RNF130: variants seen among roughly 807,000 people sequenced by gnomAD.
RNF130 encodes E3 ubiquitin-protein ligase RNF130.
Under a neutral mutation model 44.6 loss-of-function variants are expected in RNF130, and 21 were observed. The observed-to-expected ratio is 0.47, with a 90% CI of 0.33 to 0.68. The LOEUF (loss-of-function observed/expected upper bound fraction) is 0.68, where lower values mean the gene tolerates loss of function less well. RNF130 is among the 30% of genes least tolerant of loss of function. The pLI is 0.02. For synonymous variants in RNF130, 214 were observed against 210.4 expected (o/e 1.02, Z -0.15); for missense variants, 479 against 560.6 (o/e 0.85, Z 1.47).
intron 8 of RNF130, among the ~76,000 whole-genome samples, chr5:179,959,577 A>G (rs1193641749): frequency 6.6e-6 from 1 of 151,978 alleles, no homozygotes; most frequent in Non-Finnish European, 1.5e-5. Flanking sequence ...TGGTGAGCTG[A>G]GATGGCGCCA....
In RNF130 at chr5:180,015,391, G is replaced by C. The variant is rs772830142; in HGVS notation, c.443-2080C>G. ...GTCTCATTGCTTTATAATCACACCAGGTACAAACGGTTTTAGAAATCAGTT... is the reference window on the plus strand; with the variant it reads ...GTCTCATTGCTTTATAATCACACCACGTACAAACGGTTTTAGAAATCAGTT... On this transcript the variant is annotated intron_variant, in intron 2 of 8. Transcript: ENST00000521389. 5.7e-6 allele frequency: 3 copies of C among 527,338 alleles called. No homozygotes were observed. The African/African-American group carries it at 5.8e-5, about 10-fold the overall frequency. 32.7% of individuals were successfully genotyped at this position (527,338 alleles called of 1,614,324 possible).
chr5:180,039,918 T>G (rs866811052), intron 2 of RNF130, among the ~76,000 whole-genome samples: 7 of 152,242 alleles, frequency 4.6e-5, no homozygotes, highest in African/African-American at 7.2e-5. Context: ...AAAAATATAT[T>G]TAAAAACTCA....
rs1454618305 is a variant in RNF130 at position 179,924,233 on chromosome 5, C to T, written c.1151-3807G>A. On this transcript the variant is annotated intron_variant, in intron 7 of 7. Coordinates refer to the RNF130 transcript ENST00000522208. ...AATTACTGCTGGGCGTGGTGGCTCA[C>T]GCCTGTAATCCCAGCACTTTGGGAG... Among the ~76,000 whole-genome samples the T allele has an allele frequency of 3.3e-5, 5 of 151,840 alleles. No homozygotes were observed. The South Asian group carries it at 1.0e-3, about 32-fold the overall frequency.
At chr5:180,063,923 G>A (rs563176669) in intron 1 of RNF130, among the ~76,000 whole-genome samples, 5 of 152,150 alleles carry the variant, frequency 3.3e-5, no homozygotes, top group Non-Finnish European at 7.4e-5. Flanking sequence ...AAGAAGAGAA[G>A]TGAGAAGCCA....
chr5:179,957,902 G>A (rs1467008254), intron 8 of RNF130, among the ~76,000 whole-genome samples: 2 of 150,704 alleles, frequency 1.3e-5, no homozygotes, highest in African/African-American at 4.9e-5. Flanking sequence ...TTTTGAGACG[G>A]AGTCTCGCTC....
chr5:180,011,766 T>TA (rs79620642), intron 3 of RNF130, among the ~76,000 whole-genome samples: 29,853 of 145,790 alleles, frequency 0.2, 3,108 homozygotes, highest in Middle Eastern at 0.26. Context: ...CCCTGTCTCT[T>TA]AAAAAAAAAA....
exon 8 of RNF130, chr5:179,919,270 G>A (rs1761594044): frequency 6.6e-6 from 1 of 152,382 alleles, no homozygotes; most frequent in African/African-American, 2.4e-5. Flanking sequence ...CCTGATGCCT[G>A]GGATGCTGGC....
intron 7 of RNF130, among the ~76,000 whole-genome samples, chr5:179,948,498 C>T (rs1762078102): frequency 2.0e-5 from 3 of 152,054 alleles, no homozygotes; most frequent in Admixed American, 2.0e-4. Context: ...GGTGAAACCC[C>T]CATCTCTACT....
intron 7 of RNF130, among the ~76,000 whole-genome samples, chr5:179,937,970 GAC>G (rs1235775953): frequency 3.8e-4 from 56 of 145,644 alleles, no homozygotes; most frequent in African/African-American, 1.1e-3. Flanking sequence ...GAGAGAGAGA[GAC>G]AGAGACAGAC....
intron 1 of RNF130, among the ~76,000 whole-genome samples, chr5:180,067,609 T>G (rs1390489204): frequency 6.6e-6 from 1 of 152,352 alleles, no homozygotes; most frequent in East Asian, 1.9e-4. Flanking sequence ...TAAAAACATG[T>G]CATAAGCTGT....
In RNF130 at chr5:180,011,926, A is replaced by G. The variant is rs183503910; in HGVS notation, c.693+1135T>C. Among the ~76,000 whole-genome samples the G allele has an allele frequency of 6.6e-5, 10 of 152,340 alleles. No homozygotes were observed. In the East Asian group the frequency reaches 1.5e-3, roughly 23 times the overall value. The stretch of plus-strand genomic sequence containing the variant: ...AATTACAAATATAAAAATTTTCAAA[A>G]TAAAAAAAATTAAAAGTGCACAGGG... On this transcript the variant is annotated intron_variant, in intron 3 of 8. Transcript: ENST00000521389.
chr5:180,055,272 A>C (rs969425438), intron 1 of RNF130, among the ~76,000 whole-genome samples: 658 of 18,918 alleles, frequency 0.035, 12 homozygotes, highest in Non-Finnish European at 0.061. Flanking sequence ...AAAAAAAAAA[A>C]AAAAAAAACA....
intron 1 of RNF130, among the ~76,000 whole-genome samples, chr5:180,053,129 C>A (rs1306613256): frequency 1.3e-5 from 2 of 152,074 alleles, no homozygotes; most frequent in African/African-American, 4.8e-5. Context: ...GGTCAACTGG[C>A]CAAATGGAGT....
intron 1 of RNF130, among the ~76,000 whole-genome samples, chr5:180,054,397 A>G (rs1561709269): frequency 6.6e-6 from 1 of 152,168 alleles, no homozygotes; most frequent in East Asian, 1.9e-4. Context: ...CCAGGGTCAG[A>G]TGCAGATGCC....
chr5:180,003,975 G>A (rs1763407049), intron 3 of RNF130, among the ~76,000 whole-genome samples: 2 of 152,156 alleles, frequency 1.3e-5, no homozygotes, highest in East Asian at 1.9e-4. Context: ...CACAAGTACT[G>A]ACTCGTGTTA....
intron 3 of RNF130, among the ~76,000 whole-genome samples, chr5:179,987,912 T>C (rs1328332200): frequency 6.6e-6 from 1 of 152,246 alleles, no homozygotes; most frequent in Non-Finnish European, 1.5e-5. Flanking sequence ...TCAAGGACAT[T>C]GGCCTGCCAT....
At chr5:179,984,074 A>G (rs1328955152) in intron 3 of RNF130, among the ~76,000 whole-genome samples, 1 of 152,080 alleles carries the variant, frequency 6.6e-6, no homozygotes, top group Non-Finnish European at 1.5e-5. Context: ...AACCAATTCA[A>G]TTATTCATTA....
chr5:180,061,918 T>TTC (rs1764994943), intron 1 of RNF130, among the ~76,000 whole-genome samples: 1 of 152,298 alleles, frequency 6.6e-6, no homozygotes, highest in African/African-American at 2.4e-5. Flanking sequence ...TTTCACATAG[T>TTC]TCTGTAGGCT....
intron 2 of RNF130, among the ~76,000 whole-genome samples, chr5:180,026,450 C>G (rs1299541586): frequency 6.6e-6 from 1 of 152,182 alleles, no homozygotes; most frequent in East Asian, 1.9e-4. Context: ...CTTCATACTA[C>G]CACAGATCCG....
Sources: gnomAD v4.1 joint callset for allele counts (sites outside exome capture counted in the v4.1 genomes callset) on GRCh38, gnomAD v4.1.1 for gene constraint, MANE v1.5 for transcripts, NCBI Gene and HGNC (gene_info 2026-07-23, HGNC 2026-07-21) for gene names.